The following UGT1A3 variants were observed in gnomAD, a reference collection of about 807,000 sequenced individuals.
UGT1A3 encodes UDP-glucuronosyltransferase 1A3.
UGT1A3 carries 31 observed loss-of-function variants against 41.0 expected under a neutral mutation model. The ratio of observed to expected loss-of-function variants is 0.76; its 90% confidence interval spans 0.57 to 1.02. The LOEUF (loss-of-function observed/expected upper bound fraction) is 1.02. Ranked by LOEUF, UGT1A3 falls within the 50% of genes least tolerant of loss-of-function variation. UGT1A3 has a pLI of 0.00. For synonymous variants in UGT1A3, 262 were observed against 257.6 expected (o/e 1.02, Z -0.17); for missense variants, 737 against 671.0 (o/e 1.10, Z -1.09).
At chr2:233,733,540 G>A (rs1459592747) in intron 1 of UGT1A3, among the ~76,000 whole-genome samples, 2 of 152,164 alleles carry the variant, frequency 1.3e-5, no homozygotes, top group Non-Finnish European at 2.9e-5. Flanking sequence ...TTTGTTGAAG[G>A]CCTTTTCTGC....
At chr2:233,739,807 G>T (rs527239626) in intron 1 of UGT1A3, among the ~76,000 whole-genome samples, 26 of 152,152 alleles carry the variant, frequency 1.7e-4, no homozygotes, top group African/African-American at 5.3e-4. Flanking sequence ...GGGAAGGCAT[G>T]ATTGGTTTTT....
At chr2:233,756,672 A>T (rs1246322346) in intron 1 of UGT1A3, among the ~76,000 whole-genome samples, 1 of 152,212 alleles carries the variant, frequency 6.6e-6, no homozygotes, top group Non-Finnish European at 1.5e-5. Context: ...TATTTCCGCT[A>T]GAACTGCTAT....
chr2:233,755,141 C>A lies in UGT1A3; in HGVS notation c.868-11893C>A. On this transcript the variant is annotated intron_variant, in intron 1 of 4. Coordinates refer to ENST00000482026, the MANE Select transcript of UGT1A3 (RefSeq NM_019093.4). ...CCTCAGCCACCTGCTTGAATCTTCT[C>A]ACCGCTTCCTCCCTGTCCTCGGGGT... 4 of 1,309,666 alleles carry A rather than the reference C, an allele frequency of 3.1e-6. No homozygotes were observed. In the South Asian group the frequency reaches 4.6e-5, roughly 15 times the overall value. 81.1% of individuals were successfully genotyped at this position (1,309,666 alleles called of 1,614,324 possible). A position where few individuals can be genotyped will look rare whatever the true frequency, so the allele number is the denominator to read the frequency against.
Position 233,755,049 on chromosome 2 carries a change from T to TCCGC in UGT1A3, c.868-11982_868-11979dup, listed in dbSNP as rs1457280659. The TCCGC allele has an allele frequency of 3.8e-6, 5 of 1,330,832 alleles. No homozygotes were observed. In the South Asian group the frequency reaches 5.7e-5, roughly 15 times the overall value. The allele number at this position is 1,330,832 out of a possible 1,614,324, so 82.4% of individuals were successfully genotyped here. ...GGGCCTGCCGCCTGCGCAGCCGCCC[T>TCCGC]CCGCCCTCGCCTCGCCATAGCGGTC... On this transcript the variant is annotated intron_variant, in intron 1 of 4. Coordinates refer to ENST00000482026, the MANE Select transcript of UGT1A3 (RefSeq NM_019093.4).
chr2:233,729,756 G>A lies in UGT1A3; in HGVS notation c.630G>A (p.Arg210=). The A allele has an allele frequency of 6.2e-7, 1 of 1,613,874 alleles. No homozygotes were observed. The highest frequency in any genetic ancestry group is 8.5e-7 in the Non-Finnish European group (1 of 1,179,862). ...TNSDHMTFMQ[R]VKNMLYPLAL... is the part of the protein sequence containing the mutation. The stretch of plus-strand genomic sequence containing the variant: ...CAGACCACATGACATTCATGCAAAG[G>A]GTCAAGAACATGCTCTACCCTCTGG... The change falls in exon 1 of 5, where the codon AGG becomes AGA. Residue 210 remains arginine (R), a synonymous_variant. Coordinates refer to ENST00000482026, the MANE Select transcript of UGT1A3 (RefSeq NM_019093.4).
At chr2:233,741,008 GC>G (rs1212205801) in intron 1 of UGT1A3, 3 of 151,722 alleles carry the variant, frequency 2.0e-5, no homozygotes, top group Admixed American at 6.6e-5. Flanking sequence ...GATCACTTGA[GC>G]CCAGGAATTC....
intron 1 of UGT1A3, chr2:233,760,319 T>A (rs201984525): frequency 1.2e-6 from 2 of 1,614,040 alleles, no homozygotes; most frequent in Non-Finnish European, 1.7e-6. Flanking sequence ...GGACGCCCAC[T>A]TGTCCTGGGC....
At chr2:233,768,790 G>T (rs1021832155) in intron 4 of UGT1A3, among the ~76,000 whole-genome samples, 16 of 151,906 alleles carry the variant, frequency 1.1e-4, no homozygotes, top group African/African-American at 3.9e-4. Context: ...CACCATGTTT[G>T]TCAGGCTGGT....
chr2:233,744,868 A>T (rs938828765), intron 1 of UGT1A3, among the ~76,000 whole-genome samples: 1 of 151,858 alleles, frequency 6.6e-6, no homozygotes, highest in African/African-American at 2.4e-5. Flanking sequence ...TTCTGAAGGG[A>T]TTAGTTTAGG....
chr2:233,747,923 G>A (rs1349241680), intron 1 of UGT1A3: 2 of 1,613,414 alleles, frequency 1.2e-6, no homozygotes, highest in Non-Finnish European at 1.7e-6. Flanking sequence ...TTGCCTCTGA[G>A]CTTTTTCAGA....
rs969396704 is a variant in UGT1A3 at position 233,741,897 on chromosome 2, C to A, written c.867+11904C>A. On this transcript the variant is annotated intron_variant, in intron 1 of 4. Coordinates refer to ENST00000482026, the MANE Select transcript of UGT1A3 (RefSeq NM_019093.4). ...AGAGGTGACCCTAGAAGAAGGGACC[C>A]TTTGTGATGGAAAAGGTCTTCATTT... 18 of 151,852 alleles carry A rather than the reference C, an allele frequency of 1.2e-4. 1 individual carries two copies. Among genetic ancestry groups the A allele is most frequent in the African/African-American group, 4.1e-4 (17 of 41,132 alleles). The allele number at this position is 151,852 out of a possible 1,614,324, so 9.4% of individuals were successfully genotyped here. A position where few individuals can be genotyped will look rare whatever the true frequency, so the allele number is the denominator to read the frequency against.
intron 1 of UGT1A3, among the ~76,000 whole-genome samples, chr2:233,735,366 G>C (rs2078646092): frequency 6.6e-6 from 1 of 151,988 alleles, no homozygotes; most frequent in Non-Finnish European, 1.5e-5. Context: ...TTGTTTGGTA[G>C]ATCTTCCTCC....
chr2:233,730,635 A>G (rs2078055173), intron 1 of UGT1A3, among the ~76,000 whole-genome samples: 1 of 152,172 alleles, frequency 6.6e-6, no homozygotes, highest in Admixed American at 6.5e-5. Context: ...GGTCTGGTGC[A>G]TGATGTGGGG....
In UGT1A3 at chr2:233,766,936, A is replaced by T. The variant is rs911091346; in HGVS notation, c.868-98A>T. The T allele has an allele frequency of 4.4e-6, 7 of 1,586,086 alleles. No homozygotes were observed. The South Asian group carries it at 7.0e-5, about 16-fold the overall frequency. ...ATCTCAAACACGCATGCCTTTAATC[A>T]TAGTCTTAAGAGGAAGATATCTAAT... is the stretch of plus-strand genomic sequence containing the variant. On this transcript the variant is annotated intron_variant, in intron 1 of 4. Coordinates refer to ENST00000482026, the MANE Select transcript of UGT1A3 (RefSeq NM_019093.4).
rs141853649 is a variant in UGT1A3 at position 233,739,471 on chromosome 2, G to A, written c.867+9478G>A. ...CACAGGGTTGGAGCTGCCTGAGACCGTGGGAGCCCATTTCTGGCATCACCT... is the reference window on the plus strand; with the variant it reads ...CACAGGGTTGGAGCTGCCTGAGACCATGGGAGCCCATTTCTGGCATCACCT... On this transcript the variant is annotated intron_variant, in intron 1 of 4. Transcript: ENST00000482026. Among the ~76,000 whole-genome samples the A allele has an allele frequency of 2.4e-3, 366 of 152,340 alleles. 1 individual carries two copies. Among genetic ancestry groups the A allele is most frequent in the African/African-American group, 7.9e-3 (330 of 41,576 alleles).
intron 1 of UGT1A3, chr2:233,760,697 T>C (rs1697532735): frequency 6.2e-7 from 1 of 1,614,264 alleles, no homozygotes; most frequent in Non-Finnish European, 8.5e-7. Context: ...AAGGAGCTCA[T>C]GGCCTCCCTG....
chr2:233,748,151 T>C, intron 1 of UGT1A3: 1 of 1,604,824 alleles, frequency 6.2e-7, no homozygotes, highest in East Asian at 2.2e-5. Flanking sequence ...TTACTTACAA[T>C]TGCTTCCATA....
intron 1 of UGT1A3, among the ~76,000 whole-genome samples, chr2:233,751,670 A>G (rs181652696): frequency 2.6e-4 from 40 of 152,190 alleles, no homozygotes; most frequent in Admixed American, 1.9e-3. Flanking sequence ...AGTGAGTTCT[A>G]ATGAGAGCTG....
intron 1 of UGT1A3, chr2:233,743,624 T>A (rs1166046864): frequency 3.7e-6 from 5 of 1,367,280 alleles, no homozygotes; most frequent in Admixed American, 3.8e-5. Flanking sequence ...CCTGAAGACG[T>A]CGGCTGGGTC....
Sources: gnomAD v4.1 joint callset for allele counts (sites outside exome capture counted in the v4.1 genomes callset) on GRCh38, gnomAD v4.1.1 for gene constraint, MANE v1.5 for transcripts, NCBI Gene and HGNC (gene_info 2026-07-23, HGNC 2026-07-21) for gene names.